Variants in LZTR1 observed in about 807,000 individuals in gnomAD.
LZTR1 encodes the protein leucine-zipper-like transcriptional regulator 1.
LZTR1 carries 260 observed loss-of-function variants against 105.7 expected under a neutral mutation model. The ratio of observed to expected loss-of-function variants is 2.46; its 90% CI spans 2.22 to 2.72. The LOEUF is 2.72. Ranked by LOEUF, LZTR1 falls within the 30% of genes most tolerant of loss-of-function variation. LZTR1 has a pLI of 0.00. For synonymous variants in LZTR1, 490 were observed against 476.4 expected (o/e 1.03, Z -0.37); for missense variants, 1,214 against 1,166.9 (o/e 1.04, Z -0.59).
At position 20,991,635 on chromosome 22, in the gene LZTR1, C is replaced by T. The variant is rs979730916; in HGVS notation, c.799C>T (p.Arg267Cys). The T allele has an allele frequency of 5.7e-6, 9 of 1,590,374 alleles. No individual in the cohort carries two copies. Among genetic ancestry groups the T allele is most frequent in the South Asian group, 2.2e-5 (2 of 89,038 alleles). ...QFEFKDKTWT[R>C]IPTEHLLRGS... ...ACTGTTGTGTACCCCCAGGTGGACA[C>T]GCATCCCAACTGAACACCTGCTCCG... The change falls in exon 9 of 21, where the codon CGC becomes TGC. Residue 267 changes from arginine (R) to cysteine (C), a missense_variant. Transcript: ENST00000646124.
intron 16 of LZTR1, chr22:20,995,429 GAT>G: frequency 3.2e-6 from 2 of 628,830 alleles, no homozygotes. Context: ...GGCTCTTGGT[GAT>G]GTCTGCAGGC....
rs1924755446 is a variant in LZTR1 at position 20,994,639 on chromosome 22, G to A, written c.1697G>A (p.Cys566Tyr). The change falls in exon 15 of 21, where the codon TGC becomes TAC. Residue 566 changes from cysteine to tyrosine, a missense_variant. By Grantham distance (194) the Cys-to-Tyr change is radical. Transcript: ENST00000646124. ...CAGTTGTGCCGCCTGGAGCAGCTGT[G>A]CCGCCAGTACATCGAGGCCTCCGTG... ...SFQLCRLEQL[C>Y]RQYIEASVDL... The A allele has an allele frequency of 1.9e-6, 3 of 1,612,642 alleles. No individual in the cohort carries two copies. Among genetic ancestry groups the A allele is most frequent in the African/African-American group, 1.3e-5 (1 of 74,922 alleles).
chr22:20,994,358 C>T (rs781306754), intron 14 of LZTR1, 89 bp downstream of exon 14: 1 of 1,430,994 alleles, frequency 7.0e-7, no homozygotes, highest in Non-Finnish European at 9.5e-7. Flanking sequence ...CCCTGCCTTA[C>T]TGATGGGCCC....
intron 8 of LZTR1, 32 bp from the exon 9 acceptor site, chr22:20,991,596 C>T: frequency 1.3e-6 from 2 of 1,506,532 alleles, no homozygotes; most frequent in Non-Finnish European, 8.9e-7. Flanking sequence ...GAGCCCCTGT[C>T]CCAGCATTGA....
rs373165842 is a variant in LZTR1, at chr22:20,983,354, A to G, written c.263+265A>G. Among the ~76,000 whole-genome samples, 3 of 152,234 alleles carry G rather than the reference A, an allele frequency of 2.0e-5. No individual in the cohort carries two copies. In the East Asian group the frequency reaches 5.8e-4, roughly 29 times the overall value. The stretch of plus-strand genomic sequence containing the variant: ...AAATGTCCCTCTTCTGAGTAGATGC[A>G]GCCTTGAAAGAAACACAACCACCCT... On this transcript the variant is annotated intron_variant, in intron 2 of 20. Coordinates refer to ENST00000646124, the MANE Select transcript of LZTR1 (RefSeq NM_006767.4).
intron 8 of LZTR1, chr22:20,991,413 C>G: frequency 1.7e-6 from 1 of 576,214 alleles, no homozygotes; most frequent in Middle Eastern, 4.6e-4. Context: ...CTGGCAGGAC[C>G]CTGCGGTGGG....
In LZTR1 at chr22:20,994,032, A is replaced by G; in HGVS notation, c.1449+13A>G. 6.3e-7 allele frequency: 1 copy of G among 1,599,738 alleles called. No homozygotes were observed. On this transcript the variant is annotated intron_variant, in intron 13 of 20. Transcript: ENST00000646124. The stretch of plus-strand genomic sequence containing the variant: ...GAGGCTGGCCCAGGTGAGGTGCCTA[A>G]CCGCCCTGCCCTGACCTGGCAGCCA...
chr22:20,994,511 G>GCCCTC, intron 14 of LZTR1, 47 bp from the exon 15 acceptor site: 5 of 1,588,098 alleles, frequency 3.1e-6, no homozygotes, highest in Non-Finnish European at 4.3e-6. Flanking sequence ...CCTGTGCCCT[G>GCCCTC]CCCTCCCCTC....
intron 15 of LZTR1, 55 bp from the exon 16 acceptor site, chr22:20,994,815 C>G: frequency 1.9e-6 from 3 of 1,609,974 alleles, no homozygotes; most frequent in Non-Finnish European, 2.5e-6. Context: ...AGCCCCTCGC[C>G]CAGCCTGGGG....
At position 20,996,965 on chromosome 22, in the gene LZTR1, A is replaced by G; in HGVS notation, c.2405A>G (p.Lys802Arg). The G allele has an allele frequency of 5.0e-6, 8 of 1,613,666 alleles. No homozygotes were observed. Among genetic ancestry groups the G allele is most frequent in the African/African-American group, 1.3e-5 (1 of 75,070 alleles). ...CACATCATTGTGCACCAGTTCACCA[A>G]GGTCAGGGCTCTGGCCTCCCCTTCA... is the stretch of plus-strand genomic sequence containing the variant. ...CLHIIVHQFT[K>R]VSKLPTLRSL... Residue 802 changes from lysine (K) to arginine (R), a missense_variant and splice_region_variant, in exon 20 of 21, where the codon AAG (lysine) becomes AGG (arginine). Physicochemically the swap from Lys to Arg is conservative, Grantham distance 26. Coordinates refer to ENST00000646124, the MANE Select transcript of LZTR1 (RefSeq NM_006767.4).
rs773420178 is a variant in LZTR1, at chr22:20,994,149, G to A, written c.1495G>A (p.Val499Met). Residue 499 changes from valine (V) to methionine (M), a missense_variant, in exon 14 of 21, where the codon GTG (valine) becomes ATG (methionine). By Grantham distance (21) the Val-to-Met change is conservative (BLOSUM62 1). Transcript: ENST00000646124. ...AAPVPREAPG[V>M]AAGGARPPLL... ...CCCAGTTCCCAGGGAGGCCCCCGGC[G>A]TGGCTGCTGGTGGGGCCCGGCCGCC... The A allele has an allele frequency of 2.5e-6, 4 of 1,594,400 alleles. No homozygotes were observed. Among genetic ancestry groups the A allele is most frequent in the East Asian group, 2.3e-5 (1 of 43,988 alleles).
chr22:20,988,791 T>C lies in LZTR1; in HGVS notation c.512T>C (p.Leu171Ser). Reference sequence around the variant, plus strand: ...TCCCCTCTTCCCTCACACTCCAGGTTGCCAGTCGCTAGGTCAGCCCATGGG... The same window carrying C: ...TCCCCTCTTCCCTCACACTCCAGGTCGCCAGTCGCTAGGTCAGCCCATGGG... Reference protein sequence around the residue: ...QWTEWKIEGRLPVARSAHGAT... With the variant: ...QWTEWKIEGRSPVARSAHGAT... Residue 171 changes from leucine to serine, a missense_variant and splice_region_variant, in exon 6 of 21, where the codon TTG becomes TCG. By Grantham distance (145) the Leu-to-Ser change is moderately radical. Transcript: ENST00000646124. 6.2e-7 allele frequency: 1 copy of C among 1,613,656 alleles called. No individual in the cohort carries two copies.
At chr22:20,983,321 G>A (rs370094874) in intron 2 of LZTR1, among the ~76,000 whole-genome samples, 1 of 152,238 alleles carries the variant, frequency 6.6e-6, no homozygotes, top group Non-Finnish European at 1.5e-5. Flanking sequence ...CACATGCTCA[G>A]TATGTGGAAA....
In LZTR1 at chr22:20,992,831, T is replaced by C. The variant is rs1202611619; in HGVS notation, c.1187T>C (p.Ile396Thr). The change falls in exon 11 of 21, where the codon ATC becomes ACC. Residue 396 changes from isoleucine to threonine, a missense_variant. By Grantham distance (89) the Ile-to-Thr change is moderately conservative. Transcript: ENST00000646124. ...SGRLFHAAAV[I>T]SDAMYIFGGT... Reference sequence around the variant, plus strand: ...AGGCTCTTCCACGCGGCTGCTGTCATCTCGGACGCCATGTACATCTTCGGG... The same window carrying C: ...AGGCTCTTCCACGCGGCTGCTGTCACCTCGGACGCCATGTACATCTTCGGG... 1 of 1,608,840 alleles carries C rather than the reference T, an allele frequency of 6.2e-7. No homozygotes were observed.
chr22:20,993,323 G>C (rs1045981002), intron 11 of LZTR1: 22 of 469,572 alleles, frequency 4.7e-5, no homozygotes, highest in Non-Finnish European at 6.6e-5. Flanking sequence ...GGAGGAGGTT[G>C]GGATGTGCTG....
rs1465551209 is a variant in LZTR1, at chr22:20,988,018, A to G, written c.409A>G (p.Thr137Ala). The change falls in exon 5 of 21, where the codon ACT becomes GCT. Residue 137 changes from threonine to alanine, a missense_variant. Physicochemically the swap from Thr to Ala is moderately conservative, Grantham distance 58. Transcript: ENST00000646124. ...TCACTCTCTTTACTCAGGGGGTTAC[A>G]CTGGGGACATTTATTCCAATTCTAA... ...GSSMFVFGGY[T>A]GDIYSNSNLK... 1.9e-6 allele frequency: 3 copies of G among 1,600,254 alleles called. No homozygotes were observed. Among genetic ancestry groups the G allele is most frequent in the South Asian group, 2.2e-5 (2 of 90,704 alleles).
chr22:20,988,368 G>A (rs1924477849), intron 5 of LZTR1, among the ~76,000 whole-genome samples: 1 of 152,176 alleles, frequency 6.6e-6, no homozygotes, highest in African/African-American at 2.4e-5. Flanking sequence ...ACTTTGGGAA[G>A]CCGAGGTGGG....
rs777546040 is a variant in LZTR1, at chr22:20,992,287, T to C, written c.1067T>C (p.Val356Ala). The C allele has an allele frequency of 3.7e-6, 6 of 1,613,846 alleles. No homozygotes were observed. Among genetic ancestry groups the C allele is most frequent in the Non-Finnish European group, 5.1e-6 (6 of 1,179,930 alleles). The change falls in exon 10 of 21, where the codon GTT (valine) becomes GCT (alanine). Residue 356 changes from valine (V) to alanine (A), a missense_variant. Val to Ala is a moderately conservative substitution (Grantham distance 64). Transcript: ENST00000646124. ...EVPTLTYEER[V>A]GFKKSRDVFG... The stretch of plus-strand genomic sequence containing the variant: ...CCCACCCTGACCTATGAGGAGCGGG[T>C]TGGCTTCAAGAAGTCCCGAGATGTG...
chr22:20,993,821 A>T (rs1924696177), intron 12 of LZTR1, 67 bp downstream of exon 12: 5 of 1,573,554 alleles, frequency 3.2e-6, no homozygotes, highest in Non-Finnish European at 4.3e-6. Context: ...CGCCCCTCAG[A>T]AAAACAGCTG....
Sources: allele counts gnomAD v4.1 joint callset (sites outside exome capture counted in the v4.1 genomes callset), GRCh38; gene constraint gnomAD v4.1.1; transcripts MANE v1.5; gene names NCBI Gene and HGNC (gene_info 2026-07-23, HGNC 2026-07-21).